Variants in AKAP6 observed in about 807,000 individuals in gnomAD.
The protein encoded by AKAP6 is A-kinase anchor protein 6.
Under a neutral mutation model 188.5 loss-of-function variants are expected in AKAP6, and 58 were observed. The observed-to-expected ratio is 0.31, with a 90% confidence interval of 0.25 to 0.38. The LOEUF is 0.38. Ranked by LOEUF, AKAP6 falls within the 10% of genes least tolerant of loss-of-function variation. The pLI is 1.00. For missense variants in AKAP6, 2,710 were observed against 2,740.0 expected (o/e 0.99, Z 0.24); for synonymous variants, 989 against 998.6 (o/e 0.99, Z 0.18).
At position 32,464,331 on chromosome 14, in the gene AKAP6, C is replaced by T. The variant is rs150384383; in HGVS notation, c.324+30514C>T. On this transcript the variant is annotated intron_variant, in intron 2 of 13. Transcript: ENST00000280979. ...GGCCAATAACCCTGATGAACATTGACGTGAAAATCCTCAATAAAAATACTG... is the reference window on the plus strand; with the variant it reads ...GGCCAATAACCCTGATGAACATTGATGTGAAAATCCTCAATAAAAATACTG... Among the ~76,000 whole-genome samples the T allele has an allele frequency of 1.9e-3, 295 of 152,184 alleles. 12 individuals carry two copies. In the East Asian group the frequency reaches 0.05, roughly 26 times the overall value.
intron 1 of AKAP6, among the ~76,000 whole-genome samples, chr14:32,403,840 G>A (rs1053027595): frequency 1.3e-5 from 2 of 152,168 alleles, no homozygotes; most frequent in African/African-American, 4.8e-5. Context: ...CATGGTAAAT[G>A]TATCTTCTGC....
intron 5 of AKAP6, among the ~76,000 whole-genome samples, chr14:32,595,287 A>G (rs1428842148): frequency 6.6e-6 from 1 of 152,022 alleles, no homozygotes; most frequent in East Asian, 1.9e-4. Flanking sequence ...AGTCCTGTGT[A>G]GCCATAGCTG....
chr14:32,459,459 A>G (rs1042223951), intron 2 of AKAP6, among the ~76,000 whole-genome samples: 1 of 152,168 alleles, frequency 6.6e-6, no homozygotes, highest in South Asian at 2.1e-4. Flanking sequence ...AAGAGTATTC[A>G]ACACATACAT....
chr14:32,369,948 T>C (rs1490387158), intron 1 of AKAP6, among the ~76,000 whole-genome samples: 1 of 152,152 alleles, frequency 6.6e-6, no homozygotes, highest in Admixed American at 6.6e-5. Context: ...GGAAAATTGC[T>C]TGACCCCAGG....
chr14:32,479,909 A>G (rs1256913832), intron 2 of AKAP6, among the ~76,000 whole-genome samples: 1 of 152,188 alleles, frequency 6.6e-6, no homozygotes, highest in East Asian at 1.9e-4. Context: ...TAATCTACCC[A>G]GTTTATGGTA....
At chr14:32,342,803 G>T (rs1886931862) in intron 1 of AKAP6, among the ~76,000 whole-genome samples, 1 of 152,140 alleles carries the variant, frequency 6.6e-6, no homozygotes, top group Admixed American at 6.5e-5. Context: ...AATTCTGTCT[G>T]ATCGGAGAAT....
intron 9 of AKAP6, among the ~76,000 whole-genome samples, chr14:32,699,064 A>G (rs1012814358): frequency 6.6e-6 from 1 of 152,150 alleles, no homozygotes; most frequent in African/African-American, 2.4e-5. Flanking sequence ...TTGATCCCCA[A>G]GGTATGTGTT....
At chr14:32,664,258 A>G (rs1483300244) in intron 7 of AKAP6, among the ~76,000 whole-genome samples, 1 of 152,104 alleles carries the variant, frequency 6.6e-6, no homozygotes, top group African/African-American at 2.4e-5. Context: ...AAGCTTTACA[A>G]GGTCTAAGCA....
intron 8 of AKAP6, among the ~76,000 whole-genome samples, chr14:32,689,570 G>A (rs1226802870): frequency 6.6e-6 from 1 of 152,168 alleles, no homozygotes; most frequent in Non-Finnish European, 1.5e-5. Context: ...ATTCAAAATA[G>A]TAAATTAGTG....
intron 7 of AKAP6, among the ~76,000 whole-genome samples, chr14:32,675,903 A>G (rs111844661): frequency 6.6e-6 from 1 of 152,190 alleles, no homozygotes; most frequent in Non-Finnish European, 1.5e-5. Context: ...AATTACAGAG[A>G]TGAATGCAGA....
At chr14:32,662,108 CA>C (rs1229582925) in intron 7 of AKAP6, among the ~76,000 whole-genome samples, 1 of 151,872 alleles carries the variant, frequency 6.6e-6, no homozygotes, top group Non-Finnish European at 1.5e-5. Flanking sequence ...AATAAAAGGA[CA>C]AAATCAATAC....
intron 2 of AKAP6, among the ~76,000 whole-genome samples, chr14:32,492,355 T>TATATATATATATATATATATATATAG: frequency 1.2e-3 from 97 of 82,572 alleles, no homozygotes; most frequent in Middle Eastern, 7.6e-3. Flanking sequence ...TATATATATA[T>TATATATATATATATATATATATATAG]AGAGAGAGAG....
intron 11 of AKAP6, among the ~76,000 whole-genome samples, chr14:32,764,450 T>C (rs563865851): frequency 6.6e-6 from 1 of 152,370 alleles, no homozygotes; most frequent in African/African-American, 2.4e-5. Context: ...AATAACTTTA[T>C]GGCTATGGCC....
chr14:32,715,806 A>G (rs1026176380), intron 9 of AKAP6, among the ~76,000 whole-genome samples: 4 of 151,940 alleles, frequency 2.6e-5, no homozygotes, highest in Non-Finnish European at 4.4e-5. Flanking sequence ...CCTAGATTCA[A>G]TGTTTCATAT....
chr14:32,403,375 C>A (rs1196705205), intron 1 of AKAP6: 1 of 152,146 alleles, frequency 6.6e-6, no homozygotes, highest in Non-Finnish European at 1.5e-5. Context: ...TACCTCTGTT[C>A]CCATTTTTAA....
chr14:32,753,935 A>G (rs1594912705), intron 11 of AKAP6, among the ~76,000 whole-genome samples: 1 of 152,026 alleles, frequency 6.6e-6, no homozygotes, highest in Non-Finnish European at 1.5e-5. Context: ...GCTTTGTGGT[A>G]TATTTTGATA....
At position 32,642,349 on chromosome 14, in the gene AKAP6, T is replaced by A. The variant is rs7146490; in HGVS notation, c.2731-35962T>A. 1.2e-3 allele frequency among the ~76,000 whole-genome samples: 190 copies of A among 152,324 alleles called. 1 individual carries two copies. Among genetic ancestry groups the A allele is most frequent in the African/African-American group, 4.4e-3 (183 of 41,578 alleles). On this transcript the variant is annotated intron_variant, in intron 7 of 13. Coordinates refer to ENST00000280979, the MANE Select transcript of AKAP6 (RefSeq NM_004274.5). ...AGCCAGTGGCATTGTATTTACACAG[T>A]TTTTGTCAAAACAATTTTATCGCTA...
At chr14:32,366,494 T>C (rs998254254) in intron 1 of AKAP6, among the ~76,000 whole-genome samples, 1 of 152,198 alleles carries the variant, frequency 6.6e-6, no homozygotes, top group African/African-American at 2.4e-5. Context: ...TCTGTGATCC[T>C]TGGCAGATAC....
intron 1 of AKAP6, among the ~76,000 whole-genome samples, chr14:32,420,761 G>A (rs533739850): frequency 5.3e-4 from 80 of 152,110 alleles, no homozygotes; most frequent in African/African-American, 1.7e-3. Flanking sequence ...GTATACCGCC[G>A]CCCTTTTGGG....
Sources: gnomAD v4.1 joint callset for allele counts (sites outside exome capture counted in the v4.1 genomes callset) on GRCh38, gnomAD v4.1.1 for gene constraint, MANE v1.5 for transcripts, NCBI Gene and HGNC (gene_info 2026-07-23, HGNC 2026-07-21) for gene names.